TAFA2: variants seen among roughly 807,000 people sequenced by gnomAD.
TAFA2 encodes chemokine-like protein TAFA-2.
TAFA2 carries 7 observed loss-of-function variants against 18.8 expected under a neutral mutation model. That is an observed-to-expected ratio of 0.37 (90% CI 0.21 to 0.70). The LOEUF is 0.70. TAFA2 is among the 30% of genes least tolerant of loss of function. TAFA2 has a pLI of 0.53. For missense variants in TAFA2, 122 were observed against 158.1 expected, an observed-to-expected ratio of 0.77 and a Z score of 1.23; for synonymous variants, 60 against 54.2, an observed-to-expected ratio of 1.11 and a Z score of -0.47.
intron 3 of TAFA2, among the ~76,000 whole-genome samples, chr12:61,754,264 C>A (rs140636264): frequency 6.7e-4 from 102 of 151,734 alleles, no homozygotes; most frequent in African/African-American, 2.5e-3. Flanking sequence ...TGTGCTATAA[C>A]CTCATCACAA....
intron 1 of TAFA2, among the ~76,000 whole-genome samples, chr12:61,881,201 G>C (rs1875121454): frequency 6.6e-6 from 1 of 152,062 alleles, no homozygotes; most frequent in South Asian, 2.1e-4. Flanking sequence ...AAATTTAGCT[G>C]ATTATTTGCC....
At chr12:62,099,364 C>A (rs1346692306) in intron 1 of TAFA2, among the ~76,000 whole-genome samples, 1 of 152,140 alleles carries the variant, frequency 6.6e-6, no homozygotes, top group East Asian at 1.9e-4. Context: ...TGCAGTAGCA[C>A]TGACAATAAA....
chr12:62,198,991 A>G (rs570376336), intron 1 of TAFA2, among the ~76,000 whole-genome samples: 1 of 152,070 alleles, frequency 6.6e-6, no homozygotes, highest in East Asian at 1.9e-4. Flanking sequence ...CCACCCCAAA[A>G]CTTAGTTACT....
chr12:61,741,510 A>G (rs144057314), intron 4 of TAFA2, among the ~76,000 whole-genome samples: 2 of 152,236 alleles, frequency 1.3e-5, no homozygotes, highest in African/African-American at 2.4e-5. Flanking sequence ...ATTCTGTTAG[A>G]TTGCATTTAG....
At chr12:61,818,093 C>T (rs1306288411) in intron 2 of TAFA2, among the ~76,000 whole-genome samples, 2 of 152,188 alleles carry the variant, frequency 1.3e-5, no homozygotes, top group South Asian at 2.1e-4. Context: ...ACAGAATCCA[C>T]ATCTCCCTCT....
intron 1 of TAFA2, among the ~76,000 whole-genome samples, chr12:62,053,935 T>C (rs1372857777): frequency 6.6e-6 from 1 of 152,216 alleles, no homozygotes; most frequent in Non-Finnish European, 1.5e-5. Flanking sequence ...ATTAGTAATA[T>C]GTTCATTTTT....
intron 1 of TAFA2, among the ~76,000 whole-genome samples, chr12:61,994,016 A>G (rs1880099627): frequency 2.0e-5 from 3 of 152,248 alleles, no homozygotes; most frequent in Non-Finnish European, 4.4e-5. Flanking sequence ...TCTACATACT[A>G]ATGGTCCACA....
At chr12:62,236,687 C>G (rs1397107250) in intron 1 of TAFA2, among the ~76,000 whole-genome samples, 1 of 152,184 alleles carries the variant, frequency 6.6e-6, no homozygotes, top group Admixed American at 6.5e-5. Context: ...TCTGGGAAGA[C>G]TTTATCTCTG....
intron 1 of TAFA2, among the ~76,000 whole-genome samples, chr12:62,229,671 C>CT (rs571792775): frequency 0.013 from 1,963 of 145,664 alleles, 18 homozygotes; most frequent in Non-Finnish European, 0.019. Flanking sequence ...CCTGTATTTT[C>CT]TTTTTTTTTT....
chr12:62,174,487 G>A (rs1266749298), intron 1 of TAFA2, among the ~76,000 whole-genome samples: 2 of 152,202 alleles, frequency 1.3e-5, no homozygotes. Context: ...ATAAGCCTAG[G>A]AGTGGAGGGA....
intron 1 of TAFA2, among the ~76,000 whole-genome samples, chr12:62,150,108 A>T (rs2062317304): frequency 6.6e-6 from 1 of 152,156 alleles, no homozygotes; most frequent in Non-Finnish European, 1.5e-5. Flanking sequence ...GTGTTTTTTG[A>T]CCCAATTACC....
At chr12:62,138,688 C>T (rs974989892) in intron 1 of TAFA2, among the ~76,000 whole-genome samples, 12 of 152,294 alleles carry the variant, frequency 7.9e-5, no homozygotes, top group African/African-American at 1.4e-4. Flanking sequence ...CTCCACTGCA[C>T]GCCAATTAAA....
At chr12:62,023,826 T>C (rs1233728190) in intron 1 of TAFA2, 1 of 152,072 alleles carries the variant, frequency 6.6e-6, no homozygotes, top group Non-Finnish European at 1.5e-5. Flanking sequence ...AAAACACAAA[T>C]CTCCCCCAAA....
chr12:62,165,555 C>T (rs931518995), intron 1 of TAFA2, among the ~76,000 whole-genome samples: 7 of 151,998 alleles, frequency 4.6e-5, no homozygotes, highest in African/African-American at 1.7e-4. Context: ...TTACCATGTC[C>T]AGAATCAGTC....
chr12:62,208,623 AT>A (rs10717303), intron 1 of TAFA2, among the ~76,000 whole-genome samples: 132,872 of 151,760 alleles, frequency 0.88, 58,270 homozygotes, highest in Middle Eastern at 0.93. Context: ...TTCCAAATTT[AT>A]CAGGAAATTA....
intron 1 of TAFA2, among the ~76,000 whole-genome samples, chr12:62,030,036 C>A (rs1330848348): frequency 6.6e-6 from 1 of 152,086 alleles, no homozygotes; most frequent in Non-Finnish European, 1.5e-5. Flanking sequence ...AAGGAATAAT[C>A]ACAACTACCT....
chr12:61,793,566 T>C (rs890887783), intron 2 of TAFA2, among the ~76,000 whole-genome samples: 4 of 151,802 alleles, frequency 2.6e-5, no homozygotes, highest in African/African-American at 9.7e-5. Context: ...ATAACTCAAA[T>C]AGCTCATATC....
intron 1 of TAFA2, among the ~76,000 whole-genome samples, chr12:61,916,171 T>A (rs1876813500): frequency 6.6e-6 from 1 of 152,182 alleles, no homozygotes; most frequent in Non-Finnish European, 1.5e-5. Context: ...CCTCTTGAAA[T>A]TTGAGATCCA....
chr12:62,054,397 T>C (rs1283112711), intron 1 of TAFA2, among the ~76,000 whole-genome samples: 1 of 152,290 alleles, frequency 6.6e-6, no homozygotes, highest in Middle Eastern at 3.4e-3. Flanking sequence ...AAATTAAAGT[T>C]CCAGGACACT....
Sources: allele counts gnomAD v4.1 joint callset (sites outside exome capture counted in the v4.1 genomes callset), GRCh38; gene constraint gnomAD v4.1.1; transcripts MANE v1.5; gene names NCBI Gene and HGNC (gene_info 2026-07-23, HGNC 2026-07-21).